KRAS: variants seen among roughly 807,000 people sequenced by gnomAD.
KRAS encodes GTPase KRas.
Under a neutral mutation model 21.0 loss-of-function variants are expected in KRAS, and 1 was observed. The observed-to-expected ratio is 0.05, with a 90% CI of 0.02 to 0.23. The LOEUF is 0.23. KRAS is among the 10% of genes least tolerant of loss of function. KRAS has a pLI of 1.00. For missense variants in KRAS, 107 were observed against 221.8 expected, an observed-to-expected ratio of 0.48 and a Z score of 3.29; for synonymous variants, 67 against 72.5, an observed-to-expected ratio of 0.92 and a Z score of 0.39.
intron 4 of KRAS, among the ~76,000 whole-genome samples, chr12:25,212,185 G>GA (rs1218995009): frequency 1.3e-5 from 2 of 152,138 alleles, no homozygotes; most frequent in Admixed American, 1.3e-4. Flanking sequence ...TACCCTGAAT[G>GA]AATAAATTCC....
intron 2 of KRAS, among the ~76,000 whole-genome samples, chr12:25,240,498 T>C (rs915940012): frequency 6.6e-6 from 1 of 152,240 alleles, no homozygotes; most frequent in Non-Finnish European, 1.5e-5. Context: ...GTGCAGGCAT[T>C]GTAATAGGTA....
chr12:25,248,071 C>T (rs970608999), intron 1 of KRAS, among the ~76,000 whole-genome samples: 1 of 151,668 alleles, frequency 6.6e-6, no homozygotes, highest in Non-Finnish European at 1.5e-5. Flanking sequence ...ATGTTGAGTA[C>T]GCTGGTCTCC....
At chr12:25,223,873 TA>T (rs1951357440) in intron 4 of KRAS, among the ~76,000 whole-genome samples, 1 of 152,122 alleles carries the variant, frequency 6.6e-6, no homozygotes, top group Non-Finnish European at 1.5e-5. Flanking sequence ...GGCTCACAGG[TA>T]AATGTAACCA....
chr12:25,218,839 T>C (rs535541583), intron 4 of KRAS, among the ~76,000 whole-genome samples: 1 of 152,210 alleles, frequency 6.6e-6, no homozygotes. Context: ...TGGCTACTCA[T>C]TAAGCTCTTA....
rs1951764814 is a variant in KRAS at position 25,250,915 on chromosome 12, G to GCCA, written c.-177_-176insTGG. The GCCA allele has an allele frequency of 4.0e-6, 1 of 250,562 alleles. No individual in the cohort carries two copies. Among genetic ancestry groups the GCCA allele is most frequent in the African/African-American group, 2.2e-5 (1 of 44,816 alleles). 15.5% of individuals were successfully genotyped at this position (250,562 alleles called of 1,614,324 possible). The stretch of plus-strand genomic sequence containing the variant: ...CGCCGCCGCTGCTGCCTCCGCCGCC[G>GCCA]CGGCCGCCGCCTAGGAAAATCGAGC... On this transcript the variant is annotated 5_prime_UTR_variant, in exon 1 of 5. Transcript: ENST00000311936.
In KRAS at chr12:25,215,455, A is replaced by AT. The variant is rs1222388629; in HGVS notation, c.451-5545dup. 6.8e-6 allele frequency: 11 copies of AT among 1,612,774 alleles called. No homozygotes were observed. The Admixed American group carries it at 8.3e-5, about 12-fold the overall frequency. ...AACTTACCAGATTACATTATAATGC[A>AT]TTTTTTAATTTTCACACAGCCAGGA... On this transcript the variant is annotated intron_variant, in intron 4 of 4. Transcript: ENST00000311936.
rs1257076609 is a variant in KRAS, at chr12:25,207,022, CA to C, written c.*2772del. ...TCGAAGAGTTTCAGTGGAATCGTAG[CA>C]AAACAATTATAGAGCTGGCACAGAG... is the stretch of plus-strand genomic sequence containing the variant. On this transcript the variant is annotated 3_prime_UTR_variant, in exon 5 of 5. Coordinates refer to ENST00000311936, the MANE Select transcript of KRAS (RefSeq NM_004985.5). 6 of 208,984 alleles carry C rather than the reference CA, an allele frequency of 2.9e-5. No homozygotes were observed. In the Admixed American group the frequency reaches 3.5e-4, roughly 12 times the overall value. 12.9% of individuals were successfully genotyped at this position (208,984 alleles called of 1,614,324 possible). A position where few individuals can be genotyped will look rare whatever the true frequency, so the allele number is the denominator to read the frequency against.
intron 4 of KRAS, among the ~76,000 whole-genome samples, chr12:25,224,884 ATGAC>A (rs1951370608): frequency 6.6e-6 from 1 of 152,176 alleles, no homozygotes; most frequent in South Asian, 2.1e-4. Flanking sequence ...TAAGAGACAT[ATGAC>A]TACATATAAC....
At chr12:25,236,248 A>G (rs17388573) in intron 2 of KRAS, among the ~76,000 whole-genome samples, 29,001 of 152,122 alleles carry the variant, frequency 0.19, 2,882 homozygotes, top group Middle Eastern at 0.24. Flanking sequence ...AAGGTTTTTA[A>G]AATAGGAAGG....
At chr12:25,211,227 A>T (rs1044262081) in intron 4 of KRAS, 8 of 151,914 alleles carry the variant, frequency 5.3e-5, no homozygotes, top group African/African-American at 1.2e-4. Flanking sequence ...TAAATGTATT[A>T]AAAAAATTAT....
At chr12:25,242,549 A>C (rs76352376) in intron 2 of KRAS, among the ~76,000 whole-genome samples, 1 of 152,172 alleles carries the variant, frequency 6.6e-6, no homozygotes, top group Non-Finnish European at 1.5e-5. Flanking sequence ...TTCATAAAAG[A>C]TAACAATATA....
chr12:25,234,936 G>A, intron 2 of KRAS: 1 of 262,994 alleles, frequency 3.8e-6, no homozygotes, highest in Non-Finnish European at 7.2e-6. Flanking sequence ...AAAACCTAAA[G>A]AAACTAATAA....
intron 2 of KRAS, among the ~76,000 whole-genome samples, chr12:25,242,394 A>G (rs1034775977): frequency 4.6e-5 from 7 of 152,260 alleles, no homozygotes; most frequent in East Asian, 1.9e-4. Context: ...TTTACCTTAG[A>G]AAAAAAACTT....
chr12:25,221,612 C>G (rs1210534758), intron 4 of KRAS, among the ~76,000 whole-genome samples: 1 of 152,068 alleles, frequency 6.6e-6, no homozygotes, highest in African/African-American at 2.4e-5. Context: ...AAAAATGCAA[C>G]AGATACCACT....
chr12:25,221,188 T>G (rs532753923), intron 4 of KRAS, among the ~76,000 whole-genome samples: 1 of 152,040 alleles, frequency 6.6e-6, no homozygotes, highest in South Asian at 2.1e-4. Flanking sequence ...ACCCAGAGAA[T>G]TAGGAATCAG....
At chr12:25,229,801 C>T (rs1565886052) in intron 2 of KRAS, among the ~76,000 whole-genome samples, 1 of 146,904 alleles carries the variant, frequency 6.8e-6, no homozygotes, top group Non-Finnish European at 1.5e-5. Flanking sequence ...TGGAGTCTCG[C>T]TCTGTCGCCC....
intron 2 of KRAS, among the ~76,000 whole-genome samples, chr12:25,228,788 C>T (rs1026229568): frequency 6.6e-6 from 1 of 152,156 alleles, no homozygotes; most frequent in Non-Finnish European, 1.5e-5. Flanking sequence ...GGTCTAGGCG[C>T]GGTGGCTCAC....
At chr12:25,213,118 T>C (rs1408377429) in intron 4 of KRAS, among the ~76,000 whole-genome samples, 1 of 152,128 alleles carries the variant, frequency 6.6e-6, no homozygotes, top group Non-Finnish European at 1.5e-5. Flanking sequence ...AATTACCAAG[T>C]ATACTTCTCT....
At chr12:25,241,116 C>G (rs1362997255) in intron 2 of KRAS, among the ~76,000 whole-genome samples, 2 of 152,126 alleles carry the variant, frequency 1.3e-5, no homozygotes, top group East Asian at 1.9e-4. Flanking sequence ...ACTGAACCAC[C>G]CTATTTTCTT....
Sources: allele counts gnomAD v4.1 joint callset (sites outside exome capture counted in the v4.1 genomes callset), GRCh38; gene constraint gnomAD v4.1.1; transcripts MANE v1.5; gene names NCBI Gene and HGNC (gene_info 2026-07-23, HGNC 2026-07-21).